DOK6: variants seen among roughly 807,000 people sequenced by gnomAD.
The protein encoded by DOK6 is downstream of tyrosine kinase 6.
A neutral mutation model predicts 44.0 loss-of-function variants in DOK6; 22 were observed. That is an observed-to-expected ratio of 0.50 (90% CI 0.36 to 0.71). DOK6 has a LOEUF of 0.71. Ranked by LOEUF, DOK6 falls within the 30% of genes least tolerant of loss-of-function variation. The pLI is 0.00. For synonymous variants in DOK6, 166 were observed against 145.5 expected (o/e 1.14, Z -1.01); for missense variants, 340 against 416.4 (o/e 0.82, Z 1.60).
chr18:69,615,007 A>G (rs1204196714), intron 3 of DOK6, among the ~76,000 whole-genome samples: 1 of 152,144 alleles, frequency 6.6e-6, no homozygotes, highest in Non-Finnish European at 1.5e-5. Flanking sequence ...ATCCCAGATT[A>G]TAGAACTTTT....
chr18:69,415,998 A>C (rs1255826113), intron 1 of DOK6, among the ~76,000 whole-genome samples: 1 of 151,922 alleles, frequency 6.6e-6, no homozygotes, highest in African/African-American at 2.4e-5. Flanking sequence ...CATATTTAAC[A>C]ATACTGTCTT....
chr18:69,828,884 G>GTA (rs74175393), intron 7 of DOK6, among the ~76,000 whole-genome samples: 22,623 of 90,180 alleles, frequency 0.25, 4,622 homozygotes, highest in Admixed American at 0.29. Flanking sequence ...ACATTTATGT[G>GTA]TATATATATA....
chr18:69,502,751 A>G (rs1568278395), intron 1 of DOK6, among the ~76,000 whole-genome samples: 3 of 152,114 alleles, frequency 2.0e-5, no homozygotes, highest in Non-Finnish European at 4.4e-5. Context: ...CCATATATGT[A>G]TATCAGTCAA....
At position 69,782,611 on chromosome 18, in the gene DOK6, C is replaced by T. The variant is rs575457528; in HGVS notation, c.856+24738C>T. Among the ~76,000 whole-genome samples the T allele has an allele frequency of 4.0e-5, 6 of 151,644 alleles. No individual in the cohort carries two copies. In the East Asian group the frequency reaches 1.2e-3, roughly 30 times the overall value. ...AGAACAAGTTGTGTTTCATTAAACT[C>T]TTGCAAGACAGGTGCAGTGGCTCAC... On this transcript the variant is annotated intron_variant, in intron 7 of 7. Coordinates refer to ENST00000382713, the MANE Select transcript of DOK6 (RefSeq NM_152721.6).
chr18:69,405,251 C>T (rs1261274277), intron 1 of DOK6, among the ~76,000 whole-genome samples: 1 of 152,200 alleles, frequency 6.6e-6, no homozygotes, highest in East Asian at 1.9e-4. Context: ...CCTCTCTCAA[C>T]AGCTTTCCTC....
chr18:69,822,948 A>C (rs1158761127), intron 7 of DOK6, among the ~76,000 whole-genome samples: 1 of 152,172 alleles, frequency 6.6e-6, no homozygotes, highest in African/African-American at 2.4e-5. Flanking sequence ...GTATTTTTAC[A>C]TTTTTATTTT....
At chr18:69,571,373 TA>T (rs1983111495) in intron 2 of DOK6, among the ~76,000 whole-genome samples, 1 of 151,462 alleles carries the variant, frequency 6.6e-6, no homozygotes, top group African/African-American at 2.4e-5. Flanking sequence ...AAGAAGAAAA[TA>T]GTTTATTTAA....
intron 7 of DOK6, among the ~76,000 whole-genome samples, chr18:69,771,802 T>C (rs939555831): frequency 1.3e-5 from 2 of 151,886 alleles, no homozygotes; most frequent in Non-Finnish European, 2.9e-5. Flanking sequence ...AGAAAAGAAA[T>C]TAGGTATTTT....
intron 2 of DOK6, among the ~76,000 whole-genome samples, chr18:69,583,266 T>C (rs1297534518): frequency 1.3e-5 from 2 of 152,192 alleles, no homozygotes; most frequent in African/African-American, 4.8e-5. Context: ...TGGTCAACAG[T>C]GTTTTAACAC....
chr18:69,515,018 C>T (rs989196614), intron 1 of DOK6, among the ~76,000 whole-genome samples: 5 of 152,128 alleles, frequency 3.3e-5, no homozygotes, highest in African/African-American at 7.2e-5. Context: ...TGAGTTATAT[C>T]AGCTATTCAT....
chr18:69,718,045 T>C (rs1032663570), intron 5 of DOK6, among the ~76,000 whole-genome samples: 9 of 152,190 alleles, frequency 5.9e-5, no homozygotes, highest in Admixed American at 1.3e-4. Context: ...TTAATATAAG[T>C]TAGAAAGTTG....
intron 5 of DOK6, 95 bp from the exon 6 acceptor site, chr18:69,738,870 A>G: frequency 6.8e-7 from 1 of 1,481,408 alleles, no homozygotes; most frequent in Non-Finnish European, 9.2e-7. Flanking sequence ...GGTCAGGAGG[A>G]GGAGGCACAA....
chr18:69,566,375 A>T (rs943592288), intron 2 of DOK6, among the ~76,000 whole-genome samples: 1 of 152,120 alleles, frequency 6.6e-6, no homozygotes. Flanking sequence ...TGACCTTGTG[A>T]TCCGCCCGCC....
intron 7 of DOK6, among the ~76,000 whole-genome samples, chr18:69,823,625 T>TTGTG (rs72248499): frequency 0.064 from 9,392 of 146,804 alleles, 426 homozygotes; most frequent in African/African-American, 0.14. Flanking sequence ...GTGTGTGTGT[T>TTGTG]TGTGTGTGTG....
chr18:69,727,849 C>A (rs567642212), intron 5 of DOK6, among the ~76,000 whole-genome samples: 2 of 152,308 alleles, frequency 1.3e-5, no homozygotes, highest in Non-Finnish European at 2.9e-5. Context: ...CTTGCCATTT[C>A]AAATCACCCC....
chr18:69,698,535 C>T lies in DOK6; in HGVS notation c.541C>T (p.Leu181Phe), dbSNP rs774193841. The change falls in exon 5 of 8, where the codon CTC becomes TTC. Residue 181 changes from leucine (L) to phenylalanine (F), a missense_variant. Physicochemically the swap from Leu to Phe is conservative, Grantham distance 22. Around this residue, in one of 3 missense-constraint regions of DOK6, gnomAD observed 206 missense variants for 258.6 expected, o/e 0.80. Coordinates refer to ENST00000382713, the MANE Select transcript of DOK6 (RefSeq NM_152721.6). ...CAAGGTCAAACTGGTGATGTGGCCT[C>T]TCAGCTCACTGAGGAGATACGGTCG... Reference protein sequence around the residue: ...NAKVKLVMWPLSSLRRYGRDS... With the variant: ...NAKVKLVMWPFSSLRRYGRDS... 1.2e-6 allele frequency: 2 copies of T among 1,614,094 alleles called. No individual in the cohort carries two copies. The highest frequency in any genetic ancestry group is 2.7e-5 in the African/African-American group (2 of 75,038).
At chr18:69,432,640 C>A (rs1978840100) in intron 1 of DOK6, among the ~76,000 whole-genome samples, 1 of 152,058 alleles carries the variant, frequency 6.6e-6, no homozygotes, top group South Asian at 2.1e-4. Context: ...TAATCTTTTT[C>A]ACAGTTTGAG....
chr18:69,560,719 A>C (rs1422869499), intron 1 of DOK6, among the ~76,000 whole-genome samples: 1 of 152,102 alleles, frequency 6.6e-6, no homozygotes, highest in African/African-American at 2.4e-5. Context: ...GTGTTTATTG[A>C]CTACCTTCTA....
chr18:69,819,124 T>G (rs1381989904), intron 7 of DOK6, among the ~76,000 whole-genome samples: 1 of 152,192 alleles, frequency 6.6e-6, no homozygotes, highest in Non-Finnish European at 1.5e-5. Context: ...GGCAGTATCA[T>G]CTCCATAAGA....
Sources: gnomAD v4.1 joint callset for allele counts (sites outside exome capture counted in the v4.1 genomes callset) on GRCh38, gnomAD v4.1.1 for gene constraint, gnomAD v4.1.1 regional missense constraint, MANE v1.5 for transcripts, NCBI Gene and HGNC (gene_info 2026-07-23, HGNC 2026-07-21) for gene names.